Variants in CRAMP1 observed in about 807,000 individuals in gnomAD.
CRAMP1 encodes protein cramped-like.
A neutral mutation model predicts 115.4 loss-of-function variants in CRAMP1; 50 were observed. The observed-to-expected ratio is 0.43, with a 90% CI of 0.35 to 0.55. The LOEUF is 0.55. Ranked by LOEUF, CRAMP1 falls within the 20% of genes least tolerant of loss-of-function variation. CRAMP1 has a pLI of 0.01. For synonymous variants in CRAMP1, 866 were observed against 745.4 expected, an observed-to-expected ratio of 1.16 and a Z score of -2.64; for missense variants, 1,679 against 1,721.7, an observed-to-expected ratio of 0.98 and a Z score of 0.44.
At chr16:1,630,679 T>C (rs2036542290) in intron 3 of CRAMP1, among the ~76,000 whole-genome samples, 1 of 152,208 alleles carries the variant, frequency 6.6e-6, no homozygotes, top group African/African-American at 2.4e-5. Flanking sequence ...CCCAAACTCC[T>C]CAGTCTCTTG....
intron 2 of CRAMP1, among the ~76,000 whole-genome samples, chr16:1,619,220 G>A (rs749778554): frequency 2.0e-5 from 3 of 152,106 alleles, no homozygotes; most frequent in South Asian, 2.1e-4. Context: ...TCATTCTGTC[G>A]CCTGGGCTTG....
rs2036926520 is a variant in CRAMP1, at chr16:1,671,924, C to CA, written c.3645+1116dup. On this transcript the variant is annotated intron_variant, in intron 20 of 20. Transcript: ENST00000397412. This position sits in a 1 kb window ranked among gnomAD's most constrained non-coding sequence, Gnocchi z 5.0. Reference sequence around the variant, plus strand: ...CAATTAATAGCGTAGACCTCCATCTCACAGTGTGTGGCGTTTCTCAAACCT... The same window carrying CA: ...CAATTAATAGCGTAGACCTCCATCTCAACAGTGTGTGGCGTTTCTCAAACCT... Among the ~76,000 whole-genome samples the CA allele has an allele frequency of 6.6e-6, 1 of 152,234 alleles. No individual in the cohort carries two copies. The highest frequency in any genetic ancestry group is 1.5e-5 in the Non-Finnish European group (1 of 68,042).
chr16:1,625,703 G>A (rs904078630), intron 2 of CRAMP1: 12 of 349,348 alleles, frequency 3.4e-5, no homozygotes, highest in Non-Finnish European at 4.7e-5. Flanking sequence ...AGGCTGCAGC[G>A]TCATTGTGCT....
chr16:1,663,313 TG>T (rs1248982300), intron 13 of CRAMP1, among the ~76,000 whole-genome samples: 1 of 151,992 alleles, frequency 6.6e-6, no homozygotes, highest in Non-Finnish European at 1.5e-5. Context: ...GAAAGTGAGG[TG>T]GGAAGTCTGA....
rs1253094307 is a variant in CRAMP1, at chr16:1,676,241, C to T, written c.*2196C>T. 1.3e-5 allele frequency: 2 copies of T among 152,326 alleles called. No individual in the cohort carries two copies. The highest frequency in any genetic ancestry group is 2.4e-5 in the African/African-American group (1 of 41,444). The allele number at this position is 152,326 out of a possible 1,614,324, so 9.4% of individuals were successfully genotyped here. A position where few individuals can be genotyped will look rare whatever the true frequency, so the allele number is the denominator to read the frequency against. The stretch of plus-strand genomic sequence containing the variant: ...ACCACTTGGTTCTCCAGCGTAGACT[C>T]CTGGGAGCAGCCAACTGCAGCCATT... On this transcript the variant is annotated 3_prime_UTR_variant, in exon 21 of 21. Coordinates refer to ENST00000397412, the MANE Select transcript of CRAMP1 (RefSeq NM_020825.4).
At chr16:1,661,165 TAAAA>T (rs1443217819) in intron 11 of CRAMP1, among the ~76,000 whole-genome samples, 3 of 151,578 alleles carry the variant, frequency 2.0e-5, no homozygotes, top group Admixed American at 2.0e-4. Flanking sequence ...AATATAAAAA[TAAAA>T]AAAGTAGTTG....
In CRAMP1 at chr16:1,677,615, C is replaced by G. The variant is rs950210087; in HGVS notation, c.*3570C>G. On this transcript the variant is annotated 3_prime_UTR_variant, in exon 21 of 21. Coordinates refer to ENST00000397412, the MANE Select transcript of CRAMP1 (RefSeq NM_020825.4). ...GCCCTGCCTCCCGCGCCCCGCTCCC[C>G]TTCTCTCTCTTACTCGGTTAAGCCA... The G allele has an allele frequency of 2.6e-5, 4 of 152,764 alleles. No individual in the cohort carries two copies. The highest frequency in any genetic ancestry group is 2.6e-4 in the Admixed American group (4 of 15,292). The allele number at this position is 152,764 out of a possible 1,614,324, so 9.5% of individuals were successfully genotyped here. A position where few individuals can be genotyped will look rare whatever the true frequency, so the allele number is the denominator to read the frequency against.
Position 1,655,171 on chromosome 16 carries a change from C to A in CRAMP1, c.1038-48C>A, listed in dbSNP as rs765383864. ...AGCCTCGGGACTCTTCAGATGGTTT[C>A]CTTCCTGTTCTGCGAACCTCACTTC... On this transcript the variant is annotated intron_variant, in intron 8 of 20. Coordinates refer to ENST00000397412, the MANE Select transcript of CRAMP1 (RefSeq NM_020825.4). The A allele has an allele frequency of 2.3e-5, 35 of 1,508,568 alleles. No individual in the cohort carries two copies. In the Admixed American group the frequency reaches 5.7e-4, roughly 24 times the overall value. The allele number at this position is 1,508,568 out of a possible 1,614,324, so 93.4% of individuals were successfully genotyped here.
Position 1,669,012 on chromosome 16 carries a change from C to T in CRAMP1, c.3346C>T (p.Pro1116Ser), listed in dbSNP as rs760671014. The change falls in exon 19 of 21, where the codon CCT becomes TCT. Residue 1116 changes from proline to serine, a missense_variant. Coordinates refer to ENST00000397412, the MANE Select transcript of CRAMP1 (RefSeq NM_020825.4). This position sits in a 1 kb window ranked among gnomAD's most constrained non-coding sequence, Gnocchi z 4.6. ...ATCTTGGTTGGCAGGTGAAGGAGTC[C>T]CTCTTTCTCCAGCAAAACTGAATGG... ...ISSGQYGEGV[P>S]LSPAKLNGSD... is the part of the protein sequence containing the mutation. The T allele has an allele frequency of 4.8e-5, 77 of 1,612,718 alleles. No individual in the cohort carries two copies. Among genetic ancestry groups the T allele is most frequent in the Non-Finnish European group, 6.1e-5 (72 of 1,179,410 alleles).
chr16:1,673,790 T>C, intron 20 of CRAMP1, 91 bp from the exon 21 acceptor site: 1 of 1,217,654 alleles, frequency 8.2e-7, no homozygotes, highest in Non-Finnish European at 1.2e-6. Context: ...CGGGAGTCGA[T>C]AGGAGCTTCT....
At chr16:1,648,050 A>G (rs1414929634) in intron 6 of CRAMP1, among the ~76,000 whole-genome samples, 1 of 152,148 alleles carries the variant, frequency 6.6e-6, no homozygotes, top group African/African-American at 2.4e-5. Flanking sequence ...TTTGAGAGAA[A>G]AAGACGGAGG....
intron 3 of CRAMP1, 144 bp downstream of exon 3, chr16:1,626,310 G>A (rs2036507858): frequency 5.1e-6 from 3 of 587,052 alleles, no homozygotes; most frequent in South Asian, 4.6e-5. Flanking sequence ...GCTGATGTGG[G>A]CTCTAGCCTT....
At chr16:1,639,696 G>C (rs915708687) in intron 5 of CRAMP1, among the ~76,000 whole-genome samples, 1 of 152,136 alleles carries the variant, frequency 6.6e-6, no homozygotes, top group African/African-American at 2.4e-5. Flanking sequence ...ATGTCCGATT[G>C]CTTTCTGCTT....
At position 1,656,516 on chromosome 16, in the gene CRAMP1, G is replaced by A. The variant is rs763282564; in HGVS notation, c.1759G>A (p.Glu587Lys). The change falls in exon 10 of 21, where the codon GAG (glutamate) becomes AAG (lysine). Residue 587 changes from glutamate to lysine, a missense_variant. Transcript: ENST00000397412. The surrounding 1 kb of genome is among the most constrained non-coding windows in gnomAD (Gnocchi z 5.6). The stretch of plus-strand genomic sequence containing the variant: ...CTGTGCGGACACACGGCCTGGGAGC[G>A]AGCAGCCCCCTCTGGGCGGGGCGGC... Reference protein sequence around the residue: ...CRCADTRPGSEQPPLGGAASP... With the variant: ...CRCADTRPGSKQPPLGGAASP... The A allele has an allele frequency of 3.8e-6, 6 of 1,563,910 alleles. No individual in the cohort carries two copies. Among genetic ancestry groups the A allele is most frequent in the African/African-American group, 1.4e-5 (1 of 73,520 alleles).
intron 2 of CRAMP1, among the ~76,000 whole-genome samples, chr16:1,615,387 A>C (rs1055975103): frequency 6.6e-6 from 1 of 152,234 alleles, no homozygotes; most frequent in Non-Finnish European, 1.5e-5. Context: ...CCAAGGGAGC[A>C]GGCTTTTGAA....
At chr16:1,617,764 A>G (rs1268298426) in intron 2 of CRAMP1, among the ~76,000 whole-genome samples, 1 of 152,210 alleles carries the variant, frequency 6.6e-6, no homozygotes, top group Non-Finnish European at 1.5e-5. Context: ...TCTCTGAAGA[A>G]GACACTCTTA....
intron 7 of CRAMP1, 80 bp from the exon 8 acceptor site, chr16:1,652,953 C>G: frequency 6.4e-7 from 1 of 1,554,998 alleles, no homozygotes; most frequent in African/African-American, 1.4e-5. Flanking sequence ...GCTGATTTCA[C>G]TGGTTTTTCT....
intron 3 of CRAMP1, among the ~76,000 whole-genome samples, chr16:1,628,601 C>T (rs1054372775): frequency 2.0e-5 from 3 of 152,228 alleles, no homozygotes; most frequent in African/African-American, 7.2e-5. Flanking sequence ...ACTAGGTGGC[C>T]TTCTGGTGGG....
chr16:1,621,869 G>A (rs549410022), intron 2 of CRAMP1, among the ~76,000 whole-genome samples: 5 of 152,094 alleles, frequency 3.3e-5, no homozygotes, highest in African/African-American at 7.2e-5. Flanking sequence ...TCTGCTTTTC[G>A]CTGGGTGTCC....
Sources: allele counts gnomAD v4.1 joint callset (sites outside exome capture counted in the v4.1 genomes callset), GRCh38; gene constraint gnomAD v4.1.1; non-coding constraint Gnocchi (gnomAD v3.1); transcripts MANE v1.5; gene names NCBI Gene and HGNC (gene_info 2026-07-23, HGNC 2026-07-21).